Variants in CEP68 observed in about 807,000 individuals in gnomAD.
The protein encoded by CEP68 is centrosomal protein 68, also known as centrosomal protein of 68 kDa.
Under a neutral mutation model 55.3 loss-of-function variants are expected in CEP68, and 26 were observed. That is an observed-to-expected ratio of 0.47 (90% CI 0.34 to 0.65). The LOEUF (loss-of-function observed/expected upper bound fraction) is 0.65, where lower values mean the gene tolerates loss of function less well. CEP68 is among the 30% of genes least tolerant of loss of function. The probability of loss-of-function intolerance (pLI) is 0.01; values close to 1 mark genes in which losing one functional copy is unlikely to be tolerated. For missense variants in CEP68, 957 were observed against 946.7 expected, an observed-to-expected ratio of 1.01 and a Z score of -0.14; for synonymous variants, 402 against 383.2, an observed-to-expected ratio of 1.05 and a Z score of -0.57.
Position 65,083,728 on chromosome 2 carries a change from A to G in CEP68, c.*94A>G, listed in dbSNP as rs1005191130. 2 of 152,362 alleles carry G rather than the reference A, an allele frequency of 1.3e-5. No individual in the cohort carries two copies. Among genetic ancestry groups the G allele is most frequent in the East Asian group, 1.9e-4 (1 of 5,188 alleles). 9.4% of individuals were successfully genotyped at this position (152,362 alleles called of 1,614,324 possible). ...AAGAAGTCCTTGCAAGAGCCATTCA[A>G]CACTGAAGTCAAGGGGGAAACCTTC... On this transcript the variant is annotated 3_prime_UTR_variant, in exon 7 of 7. Coordinates refer to ENST00000377990, the MANE Select transcript of CEP68 (RefSeq NM_015147.3).
intron 1 of CEP68, among the ~76,000 whole-genome samples, chr2:65,062,549 AAAG>A (rs1390069481): frequency 1.4e-5 from 2 of 146,508 alleles, no homozygotes; most frequent in Non-Finnish European, 3.0e-5. Flanking sequence ...AAAAAAAAAA[AAAG>A]AGGCGGGGCG....
intron 5 of CEP68, chr2:65,080,288 G>C (rs943126216): frequency 1.0e-6 from 1 of 985,062 alleles, no homozygotes; most frequent in African/African-American, 1.8e-5. Context: ...ATGTATCCAG[G>C]CTCTTTCAGA....
Position 65,072,910 on chromosome 2 carries a change from C to T in CEP68, c.1814C>T (p.Pro605Leu), listed in dbSNP as rs765429744. 1.2e-6 allele frequency: 2 copies of T among 1,614,172 alleles called. No individual in the cohort carries two copies. The highest frequency in any genetic ancestry group is 1.1e-5 in the South Asian group (1 of 91,080). The change falls in exon 3 of 7, where the codon CCA becomes CTA. Residue 605 changes from proline (P) to leucine (L), a missense_variant. By Grantham distance (98) the Pro-to-Leu change is moderately conservative. Transcript: ENST00000377990. ...TTGGACCGGTGGCCATTCTCAGACC[C>T]AGATGTTGAAGGGCAGCTTCCCAGG... Reference protein sequence around the residue: ...ARLDRWPFSDPDVEGQLPRKG... With the variant: ...ARLDRWPFSDLDVEGQLPRKG...
intron 1 of CEP68, among the ~76,000 whole-genome samples, chr2:65,066,446 T>C (rs549052913): frequency 6.7e-6 from 1 of 149,198 alleles, no homozygotes; most frequent in Non-Finnish European, 1.5e-5. Flanking sequence ...AATACAAAAA[T>C]TGGCCAGGCA....
intron 3 of CEP68, chr2:65,073,440 G>A (rs541537385): frequency 3.8e-6 from 1 of 266,226 alleles, no homozygotes; most frequent in South Asian, 4.0e-5. Flanking sequence ...AAAGTTAGGG[G>A]CATTGGATGT....
At chr2:65,068,883 A>G (rs2103766641) in intron 1 of CEP68, among the ~76,000 whole-genome samples, 1 of 152,320 alleles carries the variant, frequency 6.6e-6, no homozygotes, top group African/African-American at 2.4e-5. Context: ...TGCCAGGCAG[A>G]GCCAAGCATC....
rs993963450 is a variant in CEP68 at position 65,086,461 on chromosome 2, T to C, written c.*2827T>C. The C allele has an allele frequency of 2.0e-5, 3 of 152,190 alleles. No individual in the cohort carries two copies. Among genetic ancestry groups the C allele is most frequent in the Non-Finnish European group, 4.4e-5 (3 of 68,018 alleles). The allele number at this position is 152,190 out of a possible 1,614,324, so 9.4% of individuals were successfully genotyped here. On this transcript the variant is annotated 3_prime_UTR_variant, in exon 7 of 7. Transcript: ENST00000377990. The stretch of plus-strand genomic sequence containing the variant: ...ATTGGCGTATACATAGAAGCAAATC[T>C]TAAGGCATGCTGAAATTTGTTGTAA...
rs989634702 is a variant in CEP68 at position 65,080,523 on chromosome 2, A to G, written c.2105-2013A>G. 17 of 985,314 alleles carry G rather than the reference A, an allele frequency of 1.7e-5. No homozygotes were observed. In the Admixed American group the frequency reaches 2.5e-4, roughly 14 times the overall value. The allele number at this position is 985,314 out of a possible 1,614,324, so 61.0% of individuals were successfully genotyped here. On this transcript the variant is annotated intron_variant, in intron 5 of 6. Coordinates refer to ENST00000377990, the MANE Select transcript of CEP68 (RefSeq NM_015147.3). ...AACCAAACATTCTGACAGTCTAAAT[A>G]AAAGTTCAAAAGCGTCCGTGCGCAG...
rs1047808686 is a variant in CEP68 at position 65,072,051 on chromosome 2, C to T, written c.955C>T (p.Leu319Phe). Residue 319 changes from leucine to phenylalanine, a missense_variant, in exon 3 of 7, where the codon CTT becomes TTT. Leu to Phe is a conservative substitution (Grantham distance 22, BLOSUM62 0). Transcript: ENST00000377990. ...GCCCGGGCCTCAGCTCCCAAAGCAC[C>T]TTGATAGCCGTGTGCCAGCTGACCC... Reference protein sequence around the residue: ...LRPGPQLPKHLDSRVPADPVL... With the variant: ...LRPGPQLPKHFDSRVPADPVL... 9 of 1,613,870 alleles carry T rather than the reference C, an allele frequency of 5.6e-6. No individual in the cohort carries two copies. The highest frequency in any genetic ancestry group is 7.6e-6 in the Non-Finnish European group (9 of 1,179,996).
intron 1 of CEP68, among the ~76,000 whole-genome samples, chr2:65,059,572 T>C (rs1233255027): frequency 6.6e-6 from 1 of 152,176 alleles, no homozygotes; most frequent in East Asian, 1.9e-4. Context: ...TGTAAGCCTT[T>C]TCTAATGTCC....
chr2:65,080,378 G>C (rs906490890), intron 5 of CEP68: 1 of 985,234 alleles, frequency 1.0e-6, no homozygotes, highest in Non-Finnish European at 1.2e-6. Flanking sequence ...GTCAGTGTCT[G>C]TCTCCAGCGG....
chr2:65,069,925 A>C, intron 2 of CEP68, 124 bp downstream of exon 2: 5 of 896,940 alleles, frequency 5.6e-6, no homozygotes, highest in Non-Finnish European at 8.7e-6. Context: ...GAGGGGCCTG[A>C]GTATGATGAT....
At chr2:65,069,307 A>C in intron 1 of CEP68, 92 bp from the exon 2 acceptor site, 1 of 717,552 alleles carries the variant, frequency 1.4e-6, no homozygotes, top group Admixed American at 2.6e-5. Context: ...TCTTTGACCA[A>C]AAATATGTTT....
At chr2:65,062,836 CAAA>C (rs11348987) in intron 1 of CEP68, among the ~76,000 whole-genome samples, 1 of 149,188 alleles carries the variant, frequency 6.7e-6, no homozygotes, top group Non-Finnish European at 1.5e-5. Context: ...GACTCTATCT[CAAA>C]AAAAAAAATA....
chr2:65,075,499 T>C (rs550679612), intron 4 of CEP68, among the ~76,000 whole-genome samples: 2 of 152,356 alleles, frequency 1.3e-5, no homozygotes, highest in African/African-American at 4.8e-5. Flanking sequence ...GATTTTGTTA[T>C]TTTGAAAATA....
chr2:65,084,310 C>G lies in CEP68; in HGVS notation c.*676C>G, dbSNP rs1474060394. On this transcript the variant is annotated 3_prime_UTR_variant, in exon 7 of 7. Coordinates refer to ENST00000377990, the MANE Select transcript of CEP68 (RefSeq NM_015147.3). Reference sequence around the variant, plus strand: ...AGGGACTTGGGGATCTACAGTCATGCTTTAGCATGGCTATGGAGCTAATTA... The same window carrying G: ...AGGGACTTGGGGATCTACAGTCATGGTTTAGCATGGCTATGGAGCTAATTA... The G allele has an allele frequency of 6.6e-6, 1 of 152,164 alleles. No individual in the cohort carries two copies. Among genetic ancestry groups the G allele is most frequent in the Non-Finnish European group, 1.5e-5 (1 of 68,034 alleles). The allele number at this position is 152,164 out of a possible 1,614,324, so 9.4% of individuals were successfully genotyped here.
At chr2:65,064,079 G>A (rs941882507) in intron 1 of CEP68, among the ~76,000 whole-genome samples, 1 of 152,168 alleles carries the variant, frequency 6.6e-6, no homozygotes, top group African/African-American at 2.4e-5. Context: ...CGTCTTTACA[G>A]ACGTACAATT....
chr2:65,072,836 C>G lies in CEP68; in HGVS notation c.1740C>G (p.Leu580=). ...GCAGTCTGGGGAGCAGCCAGGCCCT[C>G]GGGGTCTCCTCTGGACTGCTGAAAA... ...GEGSLGSSQA[L]GVSSGLLKTR... is the part of the protein sequence containing the mutation. Residue 580 remains leucine (L), a synonymous_variant, in exon 3 of 7, where the codon CTC becomes CTG. Coordinates refer to ENST00000377990, the MANE Select transcript of CEP68 (RefSeq NM_015147.3). The G allele has an allele frequency of 6.2e-7, 1 of 1,614,166 alleles. No homozygotes were observed. The highest frequency in any genetic ancestry group is 8.5e-7 in the Non-Finnish European group (1 of 1,180,034).
At chr2:65,074,972 C>T (rs189715795) in intron 4 of CEP68, 1 of 192,388 alleles carries the variant, frequency 5.2e-6, no homozygotes, top group African/African-American at 2.4e-5. Context: ...TCAACCATCA[C>T]ATTTGTCTAG....
Sources: allele counts gnomAD v4.1 joint callset (sites outside exome capture counted in the v4.1 genomes callset), GRCh38; gene constraint gnomAD v4.1.1; transcripts MANE v1.5; gene names NCBI Gene and HGNC (gene_info 2026-07-23, HGNC 2026-07-21).